TARBP1: variants seen among roughly 807,000 people sequenced by gnomAD.
TARBP1 encodes the protein tRNA guanosine 2 -O-methyltransferase TARBP1.
Under a neutral mutation model 178.6 loss-of-function variants are expected in TARBP1, and 144 were observed. That is an observed-to-expected ratio of 0.81 (90% CI 0.70 to 0.93). TARBP1 has a LOEUF of 0.93. Among genes scored for constraint, TARBP1 ranks in the 40% least tolerant of loss-of-function variants. The probability of loss-of-function intolerance (pLI) is 0.00; values close to 1 mark genes in which losing one functional copy is unlikely to be tolerated. For synonymous variants in TARBP1, 787 were observed against 781.0 expected (o/e 1.01, Z -0.13); for missense variants, 2,067 against 2,011.7 (o/e 1.03, Z -0.53).
At chr1:234,458,110 G>A (rs1449296124) in intron 8 of TARBP1, among the ~76,000 whole-genome samples, 2 of 152,096 alleles carry the variant, frequency 1.3e-5, no homozygotes, top group Non-Finnish European at 1.5e-5. Context: ...TTGGGAGCCC[G>A]AGGTGGGTGG....
intron 20 of TARBP1, among the ~76,000 whole-genome samples, chr1:234,425,030 C>T (rs1663560270): frequency 6.7e-6 from 1 of 149,872 alleles, no homozygotes; most frequent in Admixed American, 6.7e-5. Flanking sequence ...CTTCGCACTC[C>T]AGCCTGGACA....
chr1:234,403,046 T>C (rs1055142250), intron 24 of TARBP1, among the ~76,000 whole-genome samples: 2 of 152,104 alleles, frequency 1.3e-5, no homozygotes, highest in Non-Finnish European at 2.9e-5. Flanking sequence ...AATCACAATT[T>C]TCCTCCCACT....
intron 25 of TARBP1, 70 bp downstream of exon 25, chr1:234,401,111 A>C: frequency 7.5e-7 from 1 of 1,328,462 alleles, no homozygotes; most frequent in Non-Finnish European, 1.1e-6. Context: ...CAACCCTTCA[A>C]CAAAAGCAGA....
chr1:234,430,155 G>C lies in TARBP1; in HGVS notation c.2541C>G (p.Leu847=). ...PLESFLSSLQ[L]NQTLQKPHAE... ...CGTGGGGCTTCTGCAGCGTCTGATT[G>C]AGCTGAAGAGAGGAAAGGAAGCTTT... Residue 847 remains leucine (L), a synonymous_variant, in exon 15 of 30, where the codon CTC becomes CTG. Coordinates refer to ENST00000040877, the MANE Select transcript of TARBP1 (RefSeq NM_005646.4). 1 of 1,614,156 alleles carries C rather than the reference G, an allele frequency of 6.2e-7. No individual in the cohort carries two copies. The highest frequency in any genetic ancestry group is 1.7e-5 in the Admixed American group (1 of 60,030).
intron 23 of TARBP1, 64 bp from the exon 24 acceptor site, chr1:234,406,163 G>A: frequency 6.8e-7 from 1 of 1,469,060 alleles, no homozygotes. Context: ...TCACTTGTAT[G>A]ACACAAAAAA....
intron 2 of TARBP1, among the ~76,000 whole-genome samples, chr1:234,471,664 A>C (rs545447869): frequency 6.6e-6 from 1 of 152,372 alleles, no homozygotes; most frequent in Non-Finnish European, 1.5e-5. Context: ...CCATGTTCTT[A>C]ATACCACATA....
chr1:234,478,980 G>A lies in TARBP1; in HGVS notation c.124C>T (p.Arg42Trp), dbSNP rs1305892425. 6.1e-6 allele frequency: 9 copies of A among 1,481,692 alleles called. No homozygotes were observed. The highest frequency in any genetic ancestry group is 1.5e-5 in the African/African-American group (1 of 68,346). 91.8% of individuals were successfully genotyped at this position (1,481,692 alleles called of 1,614,324 possible). A position where few individuals can be genotyped will look rare whatever the true frequency, so the allele number is the denominator to read the frequency against. The stretch of plus-strand genomic sequence containing the variant: ...CCGCGCGCCTCCTCGTCCTCGAGCC[G>A]CTGCAGAAGGAAGCGCAGCGTCTCC... ...RVETLRFLLQ[R>W]LEDEEARGSG... The change falls in exon 1 of 30, where the codon CGG becomes TGG. Residue 42 changes from arginine (R) to tryptophan (W), a missense_variant. Coordinates refer to ENST00000040877, the MANE Select transcript of TARBP1 (RefSeq NM_005646.4).
intron 29 of TARBP1, 102 bp downstream of exon 29, chr1:234,392,314 C>G (rs999107786): frequency 6.9e-7 from 1 of 1,439,850 alleles, no homozygotes; most frequent in Non-Finnish European, 9.4e-7. Context: ...CCAGCCTGGG[C>G]TACAGAGTGA....
At position 234,393,674 on chromosome 1, in the gene TARBP1, C is replaced by A; in HGVS notation, c.4407G>T (p.Ser1469=). The change falls in exon 27 of 30, where the codon TCG becomes TCT. Residue 1469 remains serine (S), a synonymous_variant. Coordinates refer to ENST00000040877, the MANE Select transcript of TARBP1 (RefSeq NM_005646.4). The part of the protein sequence containing the change: ...KSISRLIVVA[S]LIDKPTNLGG... ...CTAAATTGGTCGGTTTGTCGATGAG[C>A]GAGGCCACAACGATGAGTCTACTAA... 6.2e-7 allele frequency: 1 copy of A among 1,613,136 alleles called. No homozygotes were observed.
chr1:234,433,472 T>A lies in TARBP1; in HGVS notation c.2332A>T (p.Arg778Ter). The change falls in exon 14 of 30, where the codon AGA (arginine) becomes TGA (stop). Residue 778 changes from arginine (R) to a stop codon, truncating the protein, a stop_gained. Coordinates refer to ENST00000040877, the MANE Select transcript of TARBP1 (RefSeq NM_005646.4). LOFTEE classifies it high-confidence loss of function. Reference sequence around the variant, plus strand: ...GCATTTTTCAAAAGAGAAATAACTCTCCAGATAGGGTTACCCCTTTTCCAC... The same window carrying A: ...GCATTTTTCAAAAGAGAAATAACTCACCAGATAGGGTTACCCCTTTTCCAC... The part of the protein sequence containing the change: ...VGWKRGNPIW[R>*]VISLLKNASI... 6.2e-7 allele frequency: 1 copy of A among 1,614,050 alleles called. No individual in the cohort carries two copies. The highest frequency in any genetic ancestry group is 8.5e-7 in the Non-Finnish European group (1 of 1,179,988).
chr1:234,428,681 G>C (rs576145521), intron 17 of TARBP1, among the ~76,000 whole-genome samples: 1 of 152,222 alleles, frequency 6.6e-6, no homozygotes, highest in South Asian at 2.1e-4. Context: ...GAGTAGCTGG[G>C]ATTACAGGCG....
chr1:234,463,804 G>A (rs756910775), intron 6 of TARBP1, 33 bp downstream of exon 6: 1 of 1,297,646 alleles, frequency 7.7e-7, no homozygotes, highest in Admixed American at 2.9e-5. Flanking sequence ...GTAAGCTAAA[G>A]CATTTTTAAA....
chr1:234,431,344 C>A (rs1344363870), intron 14 of TARBP1, among the ~76,000 whole-genome samples: 1 of 152,086 alleles, frequency 6.6e-6, no homozygotes, highest in Non-Finnish European at 1.5e-5. Flanking sequence ...CTAAAGGAAG[C>A]CGATTTTTAA....
intron 1 of TARBP1, among the ~76,000 whole-genome samples, chr1:234,475,174 C>A (rs1214777378): frequency 2.0e-5 from 3 of 152,154 alleles, no homozygotes; most frequent in African/African-American, 7.2e-5. Flanking sequence ...TCTTCAGAGG[C>A]GCAGGCACCC....
chr1:234,392,407 G>C lies in TARBP1; in HGVS notation c.4697+9C>G. ...AGAGAATATACTATGGACACAAGAA[G>C]CTTCTTACCCCAACAAGAGCAGAGA... On this transcript the variant is annotated intron_variant, in intron 29 of 29. Coordinates refer to ENST00000040877, the MANE Select transcript of TARBP1 (RefSeq NM_005646.4). 1 of 1,613,142 alleles carries C rather than the reference G, an allele frequency of 6.2e-7. No individual in the cohort carries two copies.
intron 24 of TARBP1, 35 bp from the exon 25 acceptor site, chr1:234,401,297 A>T (rs1422093641): frequency 6.5e-7 from 1 of 1,527,250 alleles, no homozygotes; most frequent in African/African-American, 1.4e-5. Context: ...GCCACAGACA[A>T]ATGAAACAAC....
chr1:234,457,046 G>C (rs546311676), intron 9 of TARBP1, among the ~76,000 whole-genome samples: 2 of 152,318 alleles, frequency 1.3e-5, no homozygotes, highest in Non-Finnish European at 2.9e-5. Context: ...TACAAAAAGA[G>C]GGAGGAGGCT....
chr1:234,404,841 G>A (rs963671758), intron 24 of TARBP1, among the ~76,000 whole-genome samples: 2 of 151,896 alleles, frequency 1.3e-5, no homozygotes, highest in African/African-American at 4.8e-5. Context: ...GTATTTATTT[G>A]TATTTATCAA....
intron 24 of TARBP1, among the ~76,000 whole-genome samples, chr1:234,401,851 G>C (rs1660702493): frequency 6.6e-6 from 1 of 152,088 alleles, no homozygotes; most frequent in Admixed American, 6.5e-5. Context: ...ACTATCAGCA[G>C]ACAGCCATGC....
Sources: allele counts gnomAD v4.1 joint callset (sites outside exome capture counted in the v4.1 genomes callset), GRCh38; gene constraint gnomAD v4.1.1; transcripts MANE v1.5; gene names NCBI Gene and HGNC (gene_info 2026-07-23, HGNC 2026-07-21).